The following THADA variants were observed in gnomAD, a reference collection of about 807,000 sequenced individuals.
THADA encodes tRNA (32-2'-O)-methyltransferase regulator THADA.
In THADA, 213 loss-of-function variants were observed where a neutral mutation model predicts 219.8. The ratio of observed to expected loss-of-function variants is 0.97; its 90% CI spans 0.87 to 1.09. The LOEUF (loss-of-function observed/expected upper bound fraction) is 1.09. THADA is among the 50% of genes least tolerant of loss of function. The probability of loss-of-function intolerance (pLI) is 0.00; values close to 1 mark genes in which losing one functional copy is unlikely to be tolerated. For missense variants in THADA, 2,956 were observed against 2,311.3 expected, an observed-to-expected ratio of 1.28 and a Z score of -5.72; for synonymous variants, 1,018 against 828.9, an observed-to-expected ratio of 1.23 and a Z score of -3.92.
chr2:43,595,625 A>G (rs115838595), intron 1 of THADA: 1,760 of 152,208 alleles, frequency 0.012, 39 homozygotes, highest in African/African-American at 0.04. Context: ...AGTAAATTAC[A>G]CTCCTCCTAG....
At chr2:43,438,311 A>C (rs1274116961) in intron 26 of THADA, among the ~76,000 whole-genome samples, 2 of 151,924 alleles carry the variant, frequency 1.3e-5, no homozygotes, top group South Asian at 2.1e-4. Context: ...AAAAAAAAAA[A>C]AAAAAAACCC....
intron 26 of THADA, among the ~76,000 whole-genome samples, chr2:43,473,962 C>T (rs1685220929): frequency 1.3e-5 from 2 of 152,236 alleles, no homozygotes; most frequent in East Asian, 1.9e-4. Flanking sequence ...TTTACACCAG[C>T]ATCACCACAA....
intron 25 of THADA, among the ~76,000 whole-genome samples, chr2:43,490,895 T>G (rs1389651236): frequency 6.6e-6 from 1 of 152,166 alleles, no homozygotes; most frequent in African/African-American, 2.4e-5. Flanking sequence ...AGGGGAGTAC[T>G]GTAATTGATT....
At chr2:43,273,904 T>C (rs1395674490) in intron 36 of THADA, among the ~76,000 whole-genome samples, 1 of 152,108 alleles carries the variant, frequency 6.6e-6, no homozygotes, top group Non-Finnish European at 1.5e-5. Flanking sequence ...TGTATACATG[T>C]GTGCAGATGT....
intron 1 of THADA, chr2:43,595,573 AG>A (rs1702060598): frequency 6.6e-6 from 1 of 152,402 alleles, no homozygotes; most frequent in African/African-American, 2.4e-5. Flanking sequence ...AGGGTCCCCA[AG>A]GGGGTAAATC....
chr2:43,320,580 C>G (rs1678590783), intron 30 of THADA, 40 bp from the exon 31 acceptor site: 1 of 1,511,178 alleles, frequency 6.6e-7, no homozygotes. Context: ...GAGATTTTCT[C>G]TCCCTTAGGT....
chr2:43,569,951 A>T (rs1699110654), intron 14 of THADA, among the ~76,000 whole-genome samples: 1 of 152,180 alleles, frequency 6.6e-6, no homozygotes, highest in African/African-American at 2.4e-5. Context: ...CCAATGTGAC[A>T]CAGACAGCAA....
chr2:43,511,418 T>C (rs1057346095), intron 22 of THADA, among the ~76,000 whole-genome samples: 1 of 152,060 alleles, frequency 6.6e-6, no homozygotes, highest in Admixed American at 6.5e-5. Context: ...GGAATGAGAG[T>C]AGAACATCTC....
intron 20 of THADA, among the ~76,000 whole-genome samples, chr2:43,542,074 T>C (rs1695397621): frequency 6.6e-6 from 1 of 152,246 alleles, no homozygotes; most frequent in South Asian, 2.1e-4. Context: ...TAATTAGCCT[T>C]ACTTACTCTC....
chr2:43,445,166 C>A lies in THADA; in HGVS notation c.3837-14864G>T, dbSNP rs139381687. ...CAGTGATTGCTGATAAAAACAGCAA[C>A]CTCATCTTAAGAAAAATAATCCCCC... On this transcript the variant is annotated intron_variant, in intron 26 of 37. Transcript: ENST00000405975. Among the ~76,000 whole-genome samples, 799 of 151,816 alleles carry A rather than the reference C, an allele frequency of 5.3e-3. 6 individuals carry two copies. Among genetic ancestry groups the A allele is most frequent in the African/African-American group, 0.018 (749 of 41,140 alleles).
At chr2:43,481,882 C>T (rs1686276130) in intron 26 of THADA, among the ~76,000 whole-genome samples, 1 of 152,198 alleles carries the variant, frequency 6.6e-6, no homozygotes, top group African/African-American at 2.4e-5. Context: ...TAAACCTTTT[C>T]TGATTGCTAC....
intron 36 of THADA, among the ~76,000 whole-genome samples, chr2:43,236,278 T>C (rs1364666502): frequency 6.6e-6 from 1 of 152,196 alleles, no homozygotes; most frequent in Non-Finnish European, 1.5e-5. Context: ...GAAGGAATGC[T>C]GAGATGTTTT....
At chr2:43,352,560 AT>A (rs1225405476) in intron 29 of THADA, among the ~76,000 whole-genome samples, 1 of 151,988 alleles carries the variant, frequency 6.6e-6, no homozygotes, top group African/African-American at 2.4e-5. Flanking sequence ...TAAAAAAAAA[AT>A]AATAATAATA....
chr2:43,283,792 G>C (rs1216098745), intron 35 of THADA, among the ~76,000 whole-genome samples: 1 of 152,234 alleles, frequency 6.6e-6, no homozygotes, highest in Non-Finnish European at 1.5e-5. Context: ...TTAAAAGAAA[G>C]TGAAGCAGAG....
chr2:43,441,833 T>C (rs1680878398), intron 26 of THADA, among the ~76,000 whole-genome samples: 1 of 152,212 alleles, frequency 6.6e-6, no homozygotes, highest in South Asian at 2.1e-4. Context: ...GAGTCTTCTC[T>C]CTCACTTGCT....
chr2:43,327,462 G>T (rs997304225), intron 30 of THADA, among the ~76,000 whole-genome samples: 4 of 139,264 alleles, frequency 2.9e-5, no homozygotes, highest in Admixed American at 1.4e-4. Flanking sequence ...GAAGGGGAGT[G>T]GGGGGAGAAG....
At chr2:43,362,891 CTTTTT>C (rs79637262) in intron 29 of THADA, among the ~76,000 whole-genome samples, 11,495 of 151,772 alleles carry the variant, frequency 0.076, 569 homozygotes, top group South Asian at 0.18. Context: ...TATGTTTTTA[CTTTTT>C]TAACTTTTTT....
intron 28 of THADA, among the ~76,000 whole-genome samples, chr2:43,420,564 T>C (rs1284958143): frequency 2.0e-5 from 3 of 152,240 alleles, no homozygotes; most frequent in African/African-American, 7.2e-5. Flanking sequence ...AACTGGCCTG[T>C]TGGGATAACA....
chr2:43,581,272 G>A (rs764823686), intron 8 of THADA, among the ~76,000 whole-genome samples: 8 of 152,080 alleles, frequency 5.3e-5, no homozygotes, highest in Non-Finnish European at 1.2e-4. Flanking sequence ...GCTCACACCT[G>A]TAATCCCAGC....
Sources: gnomAD v4.1 joint callset for allele counts (sites outside exome capture counted in the v4.1 genomes callset) on GRCh38, gnomAD v4.1.1 for gene constraint, MANE v1.5 for transcripts, NCBI Gene and HGNC (gene_info 2026-07-23, HGNC 2026-07-21) for gene names.